Variants in DIS3L2 observed in about 807,000 individuals in gnomAD.
DIS3L2 encodes the protein DIS3-like exonuclease 2.
In DIS3L2, 34 loss-of-function variants were observed where a neutral mutation model predicts 97.5. The ratio of observed to expected loss-of-function variants is 0.35; its 90% CI spans 0.27 to 0.46. The LOEUF (loss-of-function observed/expected upper bound fraction) is 0.46, where lower values mean the gene tolerates loss of function less well. Ranked by LOEUF, DIS3L2 falls within the 20% of genes least tolerant of loss-of-function variation. The probability of loss-of-function intolerance (pLI) is 1.00; values close to 1 mark genes in which losing one functional copy is unlikely to be tolerated. For synonymous variants in DIS3L2, 435 were observed against 445.2 expected (o/e 0.98, Z 0.29); for missense variants, 1,038 against 1,146.0 (o/e 0.91, Z 1.36).
intron 13 of DIS3L2, among the ~76,000 whole-genome samples, chr2:232,299,495 A>G (rs1029343185): frequency 6.6e-6 from 1 of 152,110 alleles, no homozygotes; most frequent in African/African-American, 2.4e-5. Flanking sequence ...GGGCTTCTGC[A>G]CTCACTGTGC....
chr2:231,994,986 G>A (rs899268374), intron 1 of DIS3L2, among the ~76,000 whole-genome samples: 2 of 151,526 alleles, frequency 1.3e-5, no homozygotes, highest in African/African-American at 4.9e-5. Context: ...CTAACTTTTT[G>A]TAGAGACGAG....
chr2:232,089,677 C>G (rs1696779772), intron 6 of DIS3L2, among the ~76,000 whole-genome samples: 1 of 152,124 alleles, frequency 6.6e-6, no homozygotes, highest in Admixed American at 6.5e-5. Context: ...TCGTGGAAAC[C>G]CAGCTCTGGT....
intron 11 of DIS3L2, among the ~76,000 whole-genome samples, chr2:232,246,307 A>G (rs140131447): frequency 1.3e-5 from 2 of 152,386 alleles, no homozygotes; most frequent in East Asian, 1.9e-4. Context: ...AGAGTTTGCC[A>G]GATGTAAAAT....
chr2:232,314,413 C>T (rs552761330), intron 14 of DIS3L2, among the ~76,000 whole-genome samples: 2 of 151,584 alleles, frequency 1.3e-5, no homozygotes, highest in East Asian at 3.9e-4. Context: ...CAGAGAGGGT[C>T]GAGACCCAAA....
At chr2:232,246,171 T>C (rs996114229) in intron 11 of DIS3L2, among the ~76,000 whole-genome samples, 2 of 152,124 alleles carry the variant, frequency 1.3e-5, no homozygotes, top group African/African-American at 4.8e-5. Flanking sequence ...GCTGACTGTG[T>C]AGGATGGCCC....
At position 232,293,954 on chromosome 2, in the gene DIS3L2, A is replaced by T. The variant is rs1348541306; in HGVS notation, c.1660-6086A>T. On this transcript the variant is annotated intron_variant, in intron 13 of 20. Coordinates refer to ENST00000325385, the MANE Select transcript of DIS3L2 (RefSeq NM_152383.5). The surrounding 1 kb of genome is among the most constrained non-coding windows in gnomAD (Gnocchi z 4.6). Reference sequence around the variant, plus strand: ...GGAGAAGCATGAGCACAAATTACACAAGGGCAGTAGAGGGCCCGGAGGTGG... The same window carrying T: ...GGAGAAGCATGAGCACAAATTACACTAGGGCAGTAGAGGGCCCGGAGGTGG... 6.6e-6 allele frequency among the ~76,000 whole-genome samples: 1 copy of T among 152,218 alleles called. No homozygotes were observed. Among genetic ancestry groups the T allele is most frequent in the Non-Finnish European group, 1.5e-5 (1 of 68,038 alleles).
rs1460036746 is a variant in DIS3L2, at chr2:232,228,061, G to A, written c.1205-10472G>A. On this transcript the variant is annotated intron_variant, in intron 10 of 20. Transcript: ENST00000325385. ...TGGCTTACGGCAACCTCCGCCTCCCGGTTCAAGCGATTCTCCTGCCTCAGC... is the reference window on the plus strand; with the variant it reads ...TGGCTTACGGCAACCTCCGCCTCCCAGTTCAAGCGATTCTCCTGCCTCAGC... Among the ~76,000 whole-genome samples, 6 of 152,190 alleles carry A rather than the reference G, an allele frequency of 3.9e-5. No individual in the cohort carries two copies. The East Asian group carries it at 5.8e-4, about 15-fold the overall frequency.
chr2:231,979,869 C>T (rs1456074448), intron 1 of DIS3L2, among the ~76,000 whole-genome samples: 1 of 152,198 alleles, frequency 6.6e-6, no homozygotes, highest in Non-Finnish European at 1.5e-5. Context: ...AGCCACTGCG[C>T]CCGGCCTATT....
At chr2:232,252,409 G>A (rs1693443182) in intron 12 of DIS3L2, among the ~76,000 whole-genome samples, 1 of 151,990 alleles carries the variant, frequency 6.6e-6, no homozygotes, top group African/African-American at 2.4e-5. Context: ...AACTCCGTCT[G>A]AAAAAAATAA....
rs1199072164 is a variant in DIS3L2 at position 232,037,413 on chromosome 2, T to C, written c.366+7333T>C. 6.6e-6 allele frequency among the ~76,000 whole-genome samples: 1 copy of C among 152,164 alleles called. No homozygotes were observed. Among genetic ancestry groups the C allele is most frequent in the Non-Finnish European group, 1.5e-5 (1 of 68,016 alleles). On this transcript the variant is annotated intron_variant, in intron 5 of 20. Transcript: ENST00000325385. The surrounding 1 kb of genome is among the most constrained non-coding windows in gnomAD (Gnocchi z 4.6). The stretch of plus-strand genomic sequence containing the variant: ...CCAAGCTCAAGTGTCCCAGGTCGAC[T>C]TCAGACTGCTATGCTGGCAGCAAGA...
chr2:232,302,219 A>G (rs938906210), intron 14 of DIS3L2, among the ~76,000 whole-genome samples: 3 of 151,822 alleles, frequency 2.0e-5, no homozygotes, highest in Non-Finnish European at 4.4e-5. Flanking sequence ...GGGGAACATC[A>G]TACACCGGGG....
At chr2:232,290,448 G>A (rs549781373) in intron 13 of DIS3L2, among the ~76,000 whole-genome samples, 2 of 152,108 alleles carry the variant, frequency 1.3e-5, no homozygotes, top group African/African-American at 4.8e-5. Context: ...GTGGTGAGCC[G>A]AACTCTCCTG....
At chr2:232,291,549 T>G (rs1233419561) in intron 13 of DIS3L2, among the ~76,000 whole-genome samples, 1 of 152,254 alleles carries the variant, frequency 6.6e-6, no homozygotes, top group Non-Finnish European at 1.5e-5. Flanking sequence ...TGACCTGTGT[T>G]TGAACCTTGG....
At chr2:232,155,266 C>G (rs557287853) in intron 8 of DIS3L2, among the ~76,000 whole-genome samples, 2 of 152,102 alleles carry the variant, frequency 1.3e-5, no homozygotes, top group Non-Finnish European at 2.9e-5. Flanking sequence ...ACTGGTATGA[C>G]AGGACTGTTT....
At chr2:232,010,567 A>G (rs957740855) in intron 1 of DIS3L2, among the ~76,000 whole-genome samples, 1 of 148,984 alleles carries the variant, frequency 6.7e-6, no homozygotes, top group Non-Finnish European at 1.5e-5. Flanking sequence ...TGTTTTTCCC[A>G]TCTTTTGCTT....
At chr2:231,986,672 C>T (rs1390060681) in intron 1 of DIS3L2, among the ~76,000 whole-genome samples, 1 of 152,110 alleles carries the variant, frequency 6.6e-6, no homozygotes, top group Non-Finnish European at 1.5e-5. Context: ...ATTATTATCG[C>T]CTCTTTTAGA....
At chr2:232,300,490 ACT>A (rs1470998414) in intron 14 of DIS3L2, among the ~76,000 whole-genome samples, 2 of 151,980 alleles carry the variant, frequency 1.3e-5, no homozygotes, top group Non-Finnish European at 2.9e-5. Context: ...ATCTGCCTAT[ACT>A]TAGGTTTATG....
Position 232,210,310 on chromosome 2 carries a change from C to G in DIS3L2, c.1125-16C>G, listed in dbSNP as rs1263385557. 4 of 1,608,624 alleles carry G rather than the reference C, an allele frequency of 2.5e-6. No individual in the cohort carries two copies. The highest frequency in any genetic ancestry group is 3.4e-6 in the Non-Finnish European group (4 of 1,175,282). ...TTATTTGTGGCATTGCTAATTGTTT[C>G]TTCACTCTTTCCTAGAAAAGACTGT... On this transcript the variant is annotated splice_polypyrimidine_tract_variant and intron_variant, in intron 9 of 20. Transcript: ENST00000325385.
At chr2:232,102,580 G>A (rs762130640) in intron 6 of DIS3L2, among the ~76,000 whole-genome samples, 6 of 152,230 alleles carry the variant, frequency 3.9e-5, no homozygotes, top group Non-Finnish European at 7.4e-5. Context: ...GTGGTTGTGT[G>A]TGTGTGCAAA....
Sources: allele counts gnomAD v4.1 joint callset (sites outside exome capture counted in the v4.1 genomes callset), GRCh38; gene constraint gnomAD v4.1.1; non-coding constraint Gnocchi (gnomAD v3.1); transcripts MANE v1.5; gene names NCBI Gene and HGNC (gene_info 2026-07-23, HGNC 2026-07-21).